The following LRIG1 variants were observed in gnomAD, a reference collection of about 807,000 sequenced individuals.
LRIG1 encodes the protein leucine-rich repeats and immunoglobulin-like domains protein 1.
In LRIG1, 48 loss-of-function variants were observed where a neutral mutation model predicts 99.2. The ratio of observed to expected loss-of-function variants is 0.48; its 90% CI spans 0.38 to 0.62. The LOEUF (loss-of-function observed/expected upper bound fraction) is 0.62, where lower values mean the gene tolerates loss of function less well. Among genes scored for constraint, LRIG1 ranks in the 20% least tolerant of loss-of-function variants. The pLI is 0.00. For missense variants in LRIG1, 1,646 were observed against 1,434.4 expected (o/e 1.15, Z -2.38); for synonymous variants, 772 against 596.1 (o/e 1.29, Z -4.30).
chr3:66,396,298 G>A (rs1701847119), intron 11 of LRIG1, among the ~76,000 whole-genome samples: 1 of 152,206 alleles, frequency 6.6e-6, no homozygotes, highest in Non-Finnish European at 1.5e-5. Flanking sequence ...GCAGGCTCCT[G>A]CCGCCCTTCT....
intron 2 of LRIG1, 50 bp downstream of exon 2, chr3:66,462,388 C>T (rs1355037766): frequency 7.1e-7 from 1 of 1,416,182 alleles, no homozygotes; most frequent in East Asian, 2.3e-5. Context: ...AGGATTTTCC[C>T]AAAGAGCTCT....
chr3:66,408,913 A>AGTGTGTGTGTGTGTGTGTGTGTGTGT (rs55651719), intron 7 of LRIG1, among the ~76,000 whole-genome samples: 5 of 34,914 alleles, frequency 1.4e-4, no homozygotes, highest in East Asian at 1.4e-3. Context: ...ACTCCAAGTC[A>AGTGTGTGTGTGTGTGTGTGTGTGTGT]GTGTGTGTGT....
chr3:66,395,986 A>G (rs1701834243), intron 11 of LRIG1, among the ~76,000 whole-genome samples: 1 of 152,392 alleles, frequency 6.6e-6, no homozygotes, highest in African/African-American at 2.4e-5. Flanking sequence ...ACACAAGGAC[A>G]TATTCCATTT....
intron 3 of LRIG1, among the ~76,000 whole-genome samples, chr3:66,429,031 G>A (rs537751631): frequency 6.6e-6 from 1 of 152,320 alleles, no homozygotes; most frequent in East Asian, 1.9e-4. Context: ...GCCTCCGCCA[G>A]GCAGGGTCAA....
chr3:66,386,408 A>G (rs1701377683), intron 12 of LRIG1, 107 bp from the exon 13 acceptor site: 1 of 927,184 alleles, frequency 1.1e-6, no homozygotes, highest in Non-Finnish European at 1.7e-6. Flanking sequence ...CAGGAACCAG[A>G]GCTTGAGGTC....
intron 17 of LRIG1, 101 bp from the exon 18 acceptor site, chr3:66,380,962 CCT>C: frequency 1.6e-6 from 2 of 1,240,646 alleles, no homozygotes; most frequent in East Asian, 4.7e-5. Context: ...AGGTGAGAAC[CCT>C]GACTGCAAAC....
intron 2 of LRIG1, among the ~76,000 whole-genome samples, chr3:66,458,572 C>T (rs1390744002): frequency 6.6e-6 from 1 of 151,816 alleles, no homozygotes; most frequent in African/African-American, 2.4e-5. Context: ...CGTGGTGGTG[C>T]ACATCTGTAA....
At chr3:66,471,166 G>A (rs372824781) in intron 1 of LRIG1, among the ~76,000 whole-genome samples, 54 of 152,292 alleles carry the variant, frequency 3.5e-4, no homozygotes, top group African/African-American at 1.2e-3. Flanking sequence ...GGCAAGAGGT[G>A]CCTACAGCCA....
rs1227513516 is a variant in LRIG1, at chr3:66,407,381, C to T, written c.1046G>A (p.Gly349Asp). 4.3e-6 allele frequency: 7 copies of T among 1,614,014 alleles called. No individual in the cohort carries two copies. Among genetic ancestry groups the T allele is most frequent in the Admixed American group, 1.7e-5 (1 of 60,004 alleles). ...SHNSISHIAE[G>D]AFKGLRSLRV... ...CAGGCTCCTGAGTCCCTTGAAGGCACCCTCCGCAATGTGGCTGATGGAATT... is the reference window on the plus strand; with the variant it reads ...CAGGCTCCTGAGTCCCTTGAAGGCATCCTCCGCAATGTGGCTGATGGAATT... The change falls in exon 8 of 19, where the codon GGT becomes GAT. Residue 349 changes from glycine (G) to aspartate (D), a missense_variant. By Grantham distance (94) the Gly-to-Asp change is moderately conservative (BLOSUM62 -1). Transcript: ENST00000273261.
chr3:66,427,485 G>A (rs532200159), intron 3 of LRIG1, among the ~76,000 whole-genome samples: 1 of 152,302 alleles, frequency 6.6e-6, no homozygotes, highest in South Asian at 2.1e-4. Flanking sequence ...AAACACACAT[G>A]AAGGTGATGA....
At chr3:66,401,116 G>A (rs536867706) in intron 9 of LRIG1, among the ~76,000 whole-genome samples, 9 of 152,336 alleles carry the variant, frequency 5.9e-5, no homozygotes, top group Admixed American at 2.0e-4. Context: ...GACCCTCTGC[G>A]TTTTCTTTCT....
intron 2 of LRIG1, among the ~76,000 whole-genome samples, chr3:66,456,843 CGGCAGTACTGTGATCTGAA>C (rs1700233840): frequency 6.6e-6 from 1 of 152,140 alleles, no homozygotes; most frequent in South Asian, 2.1e-4. Context: ...GCGGGCCAGG[CGGCAGTACTGTGATCTGAA>C]GGCAGTATCT....
At chr3:66,427,925 T>C (rs986193192) in intron 3 of LRIG1, among the ~76,000 whole-genome samples, 6 of 152,322 alleles carry the variant, frequency 3.9e-5, no homozygotes, top group African/African-American at 1.4e-4. Context: ...CCACTCAACA[T>C]TGTTTATGAG....
intron 3 of LRIG1, among the ~76,000 whole-genome samples, chr3:66,438,386 G>C (rs1034755612): frequency 3.3e-5 from 5 of 152,192 alleles, no homozygotes; most frequent in African/African-American, 4.8e-5. Context: ...ATACAGCCCA[G>C]GCCTCCAGTA....
intron 12 of LRIG1, chr3:66,386,787 C>T (rs553801454): frequency 6.5e-6 from 1 of 154,230 alleles, no homozygotes; most frequent in African/African-American, 2.4e-5. Flanking sequence ...TCAAAAGCAA[C>T]TTTTTCAGAA....
intron 3 of LRIG1, among the ~76,000 whole-genome samples, chr3:66,433,654 C>T (rs1257761545): frequency 2.6e-5 from 4 of 152,234 alleles, no homozygotes; most frequent in Non-Finnish European, 4.4e-5. Flanking sequence ...TCTCTTACCA[C>T]GCAATTTCTC....
chr3:66,447,494 A>G (rs1384319224), intron 3 of LRIG1, among the ~76,000 whole-genome samples: 1 of 152,254 alleles, frequency 6.6e-6, no homozygotes, highest in Non-Finnish European at 1.5e-5. Context: ...GCAATATTAC[A>G]AAGTCACAAT....
At chr3:66,408,487 C>T (rs1702353655) in intron 7 of LRIG1, among the ~76,000 whole-genome samples, 1 of 152,192 alleles carries the variant, frequency 6.6e-6, no homozygotes, top group Admixed American at 6.5e-5. Context: ...ATCTTTGCTG[C>T]CCCTTCTAGA....
intron 1 of LRIG1, among the ~76,000 whole-genome samples, chr3:66,472,322 A>C (rs1049444361): frequency 4.6e-5 from 7 of 150,726 alleles, no homozygotes; most frequent in East Asian, 1.9e-4. Context: ...AAAAAAAAAA[A>C]AAAAAAAAAA....
Sources: allele counts gnomAD v4.1 joint callset (sites outside exome capture counted in the v4.1 genomes callset), GRCh38; gene constraint gnomAD v4.1.1; transcripts MANE v1.5; gene names NCBI Gene and HGNC (gene_info 2026-07-23, HGNC 2026-07-21).